The following XRCC4 variants were observed in gnomAD, a reference collection of about 807,000 sequenced individuals.
XRCC4 encodes the protein X-ray repair cross complementing 4.
A neutral mutation model predicts 39.1 loss-of-function variants in XRCC4; 28 were observed. That is an observed-to-expected ratio of 0.72 (90% CI 0.53 to 0.98). The LOEUF (loss-of-function observed/expected upper bound fraction) is 0.98. XRCC4 is among the 50% of genes least tolerant of loss of function. The probability of loss-of-function intolerance (pLI) is 0.00; values close to 1 mark genes in which losing one functional copy is unlikely to be tolerated. For synonymous variants in XRCC4, 123 were observed against 126.4 expected, an observed-to-expected ratio of 0.97 and a Z score of 0.18; for missense variants, 350 against 376.4, an observed-to-expected ratio of 0.93 and a Z score of 0.58.
intron 6 of XRCC4, among the ~76,000 whole-genome samples, chr5:83,223,598 C>T (rs1473322809): frequency 6.6e-6 from 1 of 151,588 alleles, no homozygotes; most frequent in African/African-American, 2.4e-5. Context: ...TTCATCAACC[C>T]TCTTTCAGTC....
chr5:83,167,158 A>C (rs1334148107), intron 3 of XRCC4, among the ~76,000 whole-genome samples: 2 of 152,182 alleles, frequency 1.3e-5, no homozygotes, highest in East Asian at 3.9e-4. Flanking sequence ...CTCGGATTAC[A>C]GGCATGAGCT....
At position 83,353,111 on chromosome 5, in the gene XRCC4, G is replaced by T. The variant is rs1041481321; in HGVS notation, c.894-20G>T. 1.3e-6 allele frequency: 2 copies of T among 1,547,926 alleles called. No homozygotes were observed. The highest frequency in any genetic ancestry group is 1.4e-5 in the African/African-American group (1 of 71,434). On this transcript the variant is annotated intron_variant, in intron 7 of 7. Coordinates refer to ENST00000396027, the MANE Select transcript of XRCC4 (RefSeq NM_003401.5). ...AAGTTTTTAAAAATAAAACTATTTT[G>T]ATTTTCTTTTCAGTTCTAGGCCTGA... is the stretch of plus-strand genomic sequence containing the variant.
At chr5:83,096,766 G>A (rs1054429805) in intron 1 of XRCC4, among the ~76,000 whole-genome samples, 10 of 152,128 alleles carry the variant, frequency 6.6e-5, no homozygotes, top group African/African-American at 2.4e-4. Context: ...ATAAAAATTG[G>A]CATTTGTCAG....
downstream of XRCC4, among the ~76,000 whole-genome samples, chr5:83,358,456 T>A (rs552214433): frequency 6.6e-6 from 1 of 152,270 alleles, no homozygotes; most frequent in South Asian, 2.1e-4. Flanking sequence ...TCTTCCCTCT[T>A]TCAAAGGGCT....
intron 3 of XRCC4, among the ~76,000 whole-genome samples, chr5:83,131,700 C>A (rs1378516363): frequency 5.9e-5 from 9 of 151,862 alleles, no homozygotes; most frequent in Non-Finnish European, 1.0e-4. Context: ...AGGATTGCAA[C>A]CCCTCCTTTT....
At chr5:83,124,714 A>T (rs960124830) in intron 3 of XRCC4, among the ~76,000 whole-genome samples, 6 of 152,206 alleles carry the variant, frequency 3.9e-5, no homozygotes, top group Non-Finnish European at 1.5e-5. Context: ...ATGCATGCTT[A>T]TATATTGTCT....
At chr5:83,303,585 T>G (rs1284844787) in intron 7 of XRCC4, among the ~76,000 whole-genome samples, 2 of 152,188 alleles carry the variant, frequency 1.3e-5, no homozygotes, top group African/African-American at 4.8e-5. Context: ...GAGATTACTC[T>G]TATAGTAAAT....
chr5:83,103,394 G>GTA (rs1454440026), intron 1 of XRCC4, among the ~76,000 whole-genome samples: 1 of 151,984 alleles, frequency 6.6e-6, no homozygotes, highest in Non-Finnish European at 1.5e-5. Flanking sequence ...ATTGTATGAA[G>GTA]TAAAAAATTG....
At chr5:83,206,157 T>TA (rs1751413688) in intron 6 of XRCC4, among the ~76,000 whole-genome samples, 1 of 152,144 alleles carries the variant, frequency 6.6e-6, no homozygotes, top group South Asian at 2.1e-4. Context: ...TCAGGTGACA[T>TA]AATCTGACTC....
intron 7 of XRCC4, among the ~76,000 whole-genome samples, chr5:83,270,336 A>C (rs1323733633): frequency 2.0e-5 from 3 of 152,110 alleles, no homozygotes; most frequent in Admixed American, 2.0e-4. Context: ...TAAAGCCTTA[A>C]ATTTAAGAGT....
In XRCC4 at chr5:83,247,424, C is replaced by A. The variant is rs548811844; in HGVS notation, c.746-11106C>A. On this transcript the variant is annotated intron_variant, in intron 6 of 7. Coordinates refer to ENST00000396027, the MANE Select transcript of XRCC4 (RefSeq NM_003401.5). ...CCTGTCAGATCAGTGGCAAAATCAT[C>A]CCCCCAACCTCACCCGGTCCATGGA... Among the ~76,000 whole-genome samples, 171 of 152,228 alleles carry A rather than the reference C, an allele frequency of 1.1e-3. 5 individuals carry two copies. In the South Asian group the frequency reaches 0.034, roughly 31 times the overall value.
chr5:83,315,681 A>G (rs1386573142), intron 7 of XRCC4, among the ~76,000 whole-genome samples: 1 of 152,132 alleles, frequency 6.6e-6, no homozygotes. Context: ...CTAGATGATG[A>G]TACACCTGAT....
intron 7 of XRCC4, among the ~76,000 whole-genome samples, chr5:83,275,357 G>C (rs1471388848): frequency 2.0e-5 from 3 of 150,144 alleles, no homozygotes; most frequent in African/African-American, 7.3e-5. Context: ...TGCAGTGGCG[G>C]GATCTCGGCT....
chr5:83,226,871 C>T (rs1055545093), intron 6 of XRCC4, among the ~76,000 whole-genome samples: 3 of 152,000 alleles, frequency 2.0e-5, no homozygotes, highest in African/African-American at 7.2e-5. Context: ...ATTACTCTGG[C>T]TTGGTGTCTT....
intron 7 of XRCC4, among the ~76,000 whole-genome samples, chr5:83,315,181 C>T (rs1216307818): frequency 6.6e-6 from 1 of 152,052 alleles, no homozygotes; most frequent in Non-Finnish European, 1.5e-5. Flanking sequence ...TCAAACCAGC[C>T]CCAAAATTCC....
chr5:83,243,221 G>T (rs1752980317), intron 6 of XRCC4, among the ~76,000 whole-genome samples: 1 of 152,168 alleles, frequency 6.6e-6, no homozygotes, highest in African/African-American at 2.4e-5. Flanking sequence ...TAAAGAAGGT[G>T]AGTGAACACT....
Position 83,186,941 on chromosome 5 carries a change from A to ATTTTTTTTTTTTT in XRCC4, c.316-8821_316-8809dup, listed in dbSNP as rs770811313. 9.6e-4 allele frequency among the ~76,000 whole-genome samples: 84 copies of ATTTTTTTTTTTTT among 87,488 alleles called. 13 individuals are homozygous for ATTTTTTTTTTTTT. The highest frequency in any genetic ancestry group is 5.0e-3 in the African/African-American group (83 of 16,628). The allele number at this position is 87,488 out of a possible 152,430, so 57.4% of individuals were successfully genotyped here. A position where few individuals can be genotyped will look rare whatever the true frequency, so the allele number is the denominator to read the frequency against. On this transcript the variant is annotated intron_variant, in intron 3 of 7. Transcript: ENST00000396027. ...TTTTGGCTCATGGCCTGCTTCTTCC[A>ATTTTTTTTTTTTT]TTTTTTTTTTTTTTTTTTTTGAGAC...
chr5:83,212,471 A>T (rs1580377349), intron 6 of XRCC4, among the ~76,000 whole-genome samples: 1 of 152,156 alleles, frequency 6.6e-6, no homozygotes, highest in African/African-American at 2.4e-5. Flanking sequence ...GACTTTTGGG[A>T]CATCACATGT....
intron 3 of XRCC4, among the ~76,000 whole-genome samples, chr5:83,130,990 G>C (rs1580264455): frequency 6.6e-6 from 1 of 152,166 alleles, no homozygotes; most frequent in African/African-American, 2.4e-5. Context: ...TCTGATCCTA[G>C]TTGTTTCTTG....
Sources: allele counts gnomAD v4.1 joint callset (sites outside exome capture counted in the v4.1 genomes callset), GRCh38; gene constraint gnomAD v4.1.1; transcripts MANE v1.5; gene names NCBI Gene and HGNC (gene_info 2026-07-23, HGNC 2026-07-21).